Variants in WDFY4 observed in about 807,000 individuals in gnomAD.
WDFY4 encodes WDFY family member 4, also known as WD repeat- and FYVE domain-containing protein 4.
In WDFY4, 169 loss-of-function variants were observed where a neutral mutation model predicts 351.9. That is an observed-to-expected ratio of 0.48 (90% confidence interval 0.42 to 0.55). The LOEUF (loss-of-function observed/expected upper bound fraction) is 0.55. WDFY4 is among the 20% of genes least tolerant of loss of function. WDFY4 has a pLI of 0.00. For synonymous variants in WDFY4, 1,622 were observed against 1,574.6 expected (o/e 1.03, Z -0.71); for missense variants, 3,803 against 3,935.6 (o/e 0.97, Z 0.90).
intron 11 of WDFY4, among the ~76,000 whole-genome samples, chr10:48,738,821 C>T (rs2064757428): frequency 6.6e-6 from 1 of 152,180 alleles, no homozygotes; most frequent in Admixed American, 6.5e-5. Context: ...GAGGGTGCCC[C>T]TTCTTATAAA....
chr10:48,815,705 C>A (rs961864672), intron 31 of WDFY4, among the ~76,000 whole-genome samples: 5 of 151,706 alleles, frequency 3.3e-5, no homozygotes, highest in Admixed American at 1.3e-4. Flanking sequence ...ATTAGATACC[C>A]TTTTAGCACA....
intron 47 of WDFY4, among the ~76,000 whole-genome samples, chr10:48,935,460 G>A (rs1589943931): frequency 1.3e-5 from 2 of 152,218 alleles, no homozygotes; most frequent in African/African-American, 4.8e-5. Context: ...CCTGTCTATG[G>A]CAACGGCCAA....
At chr10:48,832,528 G>T in intron 38 of WDFY4, 45 bp from the exon 39 acceptor site, 1 of 1,489,010 alleles carries the variant, frequency 6.7e-7, no homozygotes, top group Non-Finnish European at 9.0e-7. Flanking sequence ...AAAATAGTGT[G>T]TGCTCTCACT....
intron 44 of WDFY4, among the ~76,000 whole-genome samples, chr10:48,891,776 T>G (rs1253420315): frequency 2.0e-5 from 3 of 152,248 alleles, no homozygotes; most frequent in Admixed American, 6.5e-5. Flanking sequence ...TGAGAGCTAC[T>G]GTTTTAGGCT....
chr10:48,932,972 T>C (rs757217814), intron 47 of WDFY4, among the ~76,000 whole-genome samples: 4 of 152,078 alleles, frequency 2.6e-5, no homozygotes, highest in Admixed American at 1.3e-4. Flanking sequence ...GGCCATGTGC[T>C]CATGGGTAGG....
intron 43 of WDFY4, among the ~76,000 whole-genome samples, chr10:48,887,778 C>A (rs1322928864): frequency 8.0e-5 from 11 of 137,192 alleles, no homozygotes; most frequent in African/African-American, 2.4e-4. Context: ...GACTCCATCT[C>A]AAAAAAAAAA....
Position 48,897,507 on chromosome 10 carries a change from A to C in WDFY4, c.7370A>C (p.His2457Pro), listed in dbSNP as rs558291919. ...TGCAGCAAAGACAGGTCCACTGACC[A>C]TTACTCGTGCCAGTGCCACAGCTAC... is the stretch of plus-strand genomic sequence containing the variant. The part of the protein sequence containing the change: ...NLCSKDRSTD[H>P]YSCQCHSYAD... Residue 2457 changes from histidine (H) to proline (P), a missense_variant, in exon 45 of 62, where the codon CAT becomes CCT. By Grantham distance (77) the His-to-Pro change is moderately conservative (BLOSUM62 -2). Around this residue, in one of 3 missense-constraint regions of WDFY4, gnomAD observed 3,054 missense variants for 3,148.6 expected, o/e 0.97. Coordinates refer to ENST00000325239, the MANE Select transcript of WDFY4 (RefSeq NM_001394531.1). 15 of 1,551,566 alleles carry C rather than the reference A, an allele frequency of 9.7e-6. No homozygotes were observed. The Admixed American group carries it at 1.8e-4, about 18-fold the overall frequency.
In WDFY4 at chr10:48,964,071, C is replaced by A. The variant is rs372389889; in HGVS notation, c.8436+17C>A. On this transcript the variant is annotated intron_variant, in intron 54 of 61. Coordinates refer to ENST00000325239, the MANE Select transcript of WDFY4 (RefSeq NM_001394531.1). Reference sequence around the variant, plus strand: ...CCCAAACAGGTACAGCATGCCTTGTCATTTGCCTTGCTTTCTCAAAAGAGT... The same window carrying A: ...CCCAAACAGGTACAGCATGCCTTGTAATTTGCCTTGCTTTCTCAAAAGAGT... 4.3e-5 allele frequency: 67 copies of A among 1,548,944 alleles called. No homozygotes were observed. The African/African-American group carries it at 6.4e-4, about 15-fold the overall frequency.
Position 48,941,836 on chromosome 10 carries a change from G to A in WDFY4, c.7617G>A (p.Leu2539=). ...RRYPGSDRIM[L]QKWQKRDISN... ...ACCCCGGCTCTGACAGGATCATGCT[G>A]CAGAAGTGGCAGGTACAGTAGCTCC... Residue 2539 remains leucine (L), a synonymous_variant, in exon 48 of 62, where the codon CTG becomes CTA. Coordinates refer to ENST00000325239, the MANE Select transcript of WDFY4 (RefSeq NM_001394531.1). The A allele has an allele frequency of 1.9e-6, 3 of 1,552,196 alleles. No individual in the cohort carries two copies. The South Asian group carries it at 3.6e-5, about 18-fold the overall frequency.
intron 39 of WDFY4, among the ~76,000 whole-genome samples, chr10:48,842,186 G>A (rs2068629309): frequency 6.6e-6 from 1 of 151,936 alleles, no homozygotes; most frequent in Non-Finnish European, 1.5e-5. Context: ...AAGAGAGACT[G>A]TCCTTTGTCC....
At chr10:48,978,873 T>C (rs1842690639) in intron 60 of WDFY4, 1 of 153,204 alleles carries the variant, frequency 6.5e-6, no homozygotes, top group Non-Finnish European at 1.5e-5. Context: ...AGCTCCCTGT[T>C]TGCTCTGCAT....
At chr10:48,800,551 C>A (rs2067032405) in intron 24 of WDFY4, among the ~76,000 whole-genome samples, 1 of 151,824 alleles carries the variant, frequency 6.6e-6, no homozygotes. Context: ...GCTGTTGAGG[C>A]AAGGTTGGAC....
In WDFY4 at chr10:48,772,811, C is replaced by T. The variant is rs2065912566; in HGVS notation, c.2554-1647C>T. ...AATATGCGGTGTTTGGTTTTTTGTTCTTGCGATAGTTTACTGAGAATGGTG... is the reference window on the plus strand; with the variant it reads ...AATATGCGGTGTTTGGTTTTTTGTTTTTGCGATAGTTTACTGAGAATGGTG... On this transcript the variant is annotated intron_variant, in intron 13 of 61. Coordinates refer to ENST00000325239, the MANE Select transcript of WDFY4 (RefSeq NM_001394531.1). Among the ~76,000 whole-genome samples, 3 of 148,414 alleles carry T rather than the reference C, an allele frequency of 2.0e-5. 1 individual carries two copies. In the Admixed American group the frequency reaches 2.0e-4, roughly 10 times the overall value.
rs2064648794 is a variant in WDFY4 at position 48,735,952 on chromosome 10, C to T, written c.1760C>T (p.Ser587Leu). 8 of 1,551,652 alleles carry T rather than the reference C, an allele frequency of 5.2e-6. No homozygotes were observed. Among genetic ancestry groups the T allele is most frequent in the Non-Finnish European group, 6.1e-6 (7 of 1,147,032 alleles). ...FLDDECYREA[S>L]LSILEQLSAI... is the part of the protein sequence containing the mutation. ...GATGACGAGTGCTACCGGGAGGCCT[C>T]GCTCAGCATCTTGGAGCAGCTCTCA... is the stretch of plus-strand genomic sequence containing the variant. Residue 587 changes from serine (S) to leucine (L), a missense_variant, in exon 11 of 62, where the codon TCG (serine) becomes TTG (leucine). Around this residue, in one of 3 missense-constraint regions of WDFY4, gnomAD observed 261 missense variants for 330.2 expected, o/e 0.79. Coordinates refer to ENST00000325239, the MANE Select transcript of WDFY4 (RefSeq NM_001394531.1).
intron 19 of WDFY4, 121 bp from the exon 20 acceptor site, chr10:48,786,518 T>TC (rs397757194): frequency 3.0e-4 from 237 of 781,654 alleles, no homozygotes; most frequent in African/African-American, 2.4e-3. Flanking sequence ...TTTAGTTTTT[T>TC]AGATAAAATA....
chr10:48,885,671 T>C (rs1439093509), intron 43 of WDFY4, among the ~76,000 whole-genome samples: 1 of 152,166 alleles, frequency 6.6e-6, no homozygotes, highest in Non-Finnish European at 1.5e-5. Context: ...CCCAAATTAA[T>C]ATATATGTGT....
At chr10:48,887,963 A>G (rs1589816239) in intron 43 of WDFY4, among the ~76,000 whole-genome samples, 1 of 152,338 alleles carries the variant, frequency 6.6e-6, no homozygotes, top group Middle Eastern at 3.4e-3. Context: ...GCAACTATTA[A>G]TAAGAATTAG....
chr10:48,770,226 C>T (rs1005880435), intron 13 of WDFY4, among the ~76,000 whole-genome samples: 2 of 152,196 alleles, frequency 1.3e-5, no homozygotes, highest in African/African-American at 4.8e-5. Flanking sequence ...AAACTTGTGG[C>T]ATCATTAGAC....
chr10:48,939,016 C>T (rs1209626502), intron 47 of WDFY4, among the ~76,000 whole-genome samples: 1 of 152,176 alleles, frequency 6.6e-6, no homozygotes, highest in African/African-American at 2.4e-5. Flanking sequence ...CCCCAAGTTG[C>T]CCACAGGCCC....
Sources: gnomAD v4.1 joint callset for allele counts (sites outside exome capture counted in the v4.1 genomes callset) on GRCh38, gnomAD v4.1.1 for gene constraint, gnomAD v4.1.1 regional missense constraint, MANE v1.5 for transcripts, NCBI Gene and HGNC (gene_info 2026-07-23, HGNC 2026-07-21) for gene names.